The following GSDMC variants were observed in gnomAD, a reference collection of about 807,000 sequenced individuals.
GSDMC encodes the protein gasdermin C.
A neutral mutation model predicts 58.0 loss-of-function variants in GSDMC; 59 were observed. That is an observed-to-expected ratio of 1.02 (90% CI 0.82 to 1.26). The LOEUF is 1.26. Among genes scored for constraint, GSDMC ranks in the 50% most tolerant of loss-of-function variants. GSDMC has a pLI of 0.00. For missense variants in GSDMC, 659 were observed against 598.5 expected (o/e 1.10, Z -1.06); for synonymous variants, 241 against 220.2 (o/e 1.09, Z -0.83).
intron 5 of GSDMC, among the ~76,000 whole-genome samples, chr8:129,761,592 A>G (rs1254815198): frequency 6.6e-6 from 1 of 152,172 alleles, no homozygotes; most frequent in Non-Finnish European, 1.5e-5. Context: ...GATGATGATG[A>G]TATTTTGAAA....
At chr8:129,726,999 TACAC>T in the GSDMC span, among the ~76,000 whole-genome samples, 121 of 93,046 alleles carry the variant, frequency 1.3e-3, 1 homozygote, top group African/African-American at 9.4e-3. Flanking sequence ...CCAATACACA[TACAC>T]ACACACACAC....
chr8:129,725,511 C>T, the GSDMC span, among the ~76,000 whole-genome samples: 1 of 152,128 alleles, frequency 6.6e-6, no homozygotes, highest in Non-Finnish European at 1.5e-5. Context: ...TGTTCGATTG[C>T]CCAAGATCTA....
the GSDMC span, chr8:129,729,012 G>A: frequency 1.5e-6 from 1 of 656,226 alleles, no homozygotes; most frequent in South Asian, 1.5e-5. Flanking sequence ...GCACGATGAG[G>A]ATGAAAATTT....
intron 1 of GSDMC, among the ~76,000 whole-genome samples, chr8:129,781,063 A>C (rs1208458733): frequency 6.6e-6 from 1 of 152,224 alleles, no homozygotes; most frequent in African/African-American, 2.4e-5. Flanking sequence ...AAAAGCAAGA[A>C]ATTGAAATAT....
In GSDMC at chr8:129,777,659, T is replaced by G. The variant is rs966719705; in HGVS notation, c.-4-68A>C. 1.5e-5 allele frequency: 12 copies of G among 815,448 alleles called. No homozygotes were observed. The African/African-American group carries it at 1.8e-4, about 13-fold the overall frequency. The allele number at this position is 815,448 out of a possible 1,614,324, so 50.5% of individuals were successfully genotyped here. A position where few individuals can be genotyped will look rare whatever the true frequency, so the allele number is the denominator to read the frequency against. On this transcript the variant is annotated intron_variant, in intron 1 of 13. Coordinates refer to ENST00000276708, the MANE Select transcript of GSDMC (RefSeq NM_031415.3). Reference sequence around the variant, plus strand: ...AAATGGTTAAACTCTCACCAATTATTGATATTTCCCCTAAAGGAAAAGATC... The same window carrying G: ...AAATGGTTAAACTCTCACCAATTATGGATATTTCCCCTAAAGGAAAAGATC...
intron 6 of GSDMC, among the ~76,000 whole-genome samples, chr8:129,756,592 C>A (rs2033447189): frequency 6.6e-6 from 1 of 152,076 alleles, no homozygotes. Context: ...CTAAAGGCTG[C>A]AGAATACACA....
At chr8:129,716,962 G>A in the GSDMC span, among the ~76,000 whole-genome samples, 12 of 152,220 alleles carry the variant, frequency 7.9e-5, no homozygotes, top group African/African-American at 2.9e-4. Flanking sequence ...TCCCAGGGAT[G>A]AAGCTGACTT....
the GSDMC span, among the ~76,000 whole-genome samples, chr8:129,740,607 T>C: frequency 6.6e-6 from 1 of 152,222 alleles, no homozygotes; most frequent in Non-Finnish European, 1.5e-5. Flanking sequence ...AGGTGTGCAG[T>C]AGACTATATT....
At chr8:129,742,541 TTTC>T in the GSDMC span, among the ~76,000 whole-genome samples, 4 of 152,144 alleles carry the variant, frequency 2.6e-5, no homozygotes, top group Non-Finnish European at 4.4e-5. Flanking sequence ...TGTACAACTC[TTTC>T]TTCTCTGTAC....
chr8:129,715,293 A>G, the GSDMC span, among the ~76,000 whole-genome samples: 28 of 152,268 alleles, frequency 1.8e-4, no homozygotes, highest in African/African-American at 5.8e-4. Flanking sequence ...TAAAAAAGAC[A>G]TAAAAGCAAC....
the GSDMC span, among the ~76,000 whole-genome samples, chr8:129,721,833 C>T: frequency 6.6e-6 from 1 of 152,210 alleles, no homozygotes; most frequent in Admixed American, 6.5e-5. Context: ...CCAGCAAACA[C>T]TCTATGAATG....
At chr8:129,780,467 G>A (rs1213376619) in intron 1 of GSDMC, among the ~76,000 whole-genome samples, 1 of 152,100 alleles carries the variant, frequency 6.6e-6, no homozygotes, top group Non-Finnish European at 1.5e-5. Flanking sequence ...AAACCTTACA[G>A]GCCAAGAGAC....
chr8:129,776,157 G>A lies in GSDMC; in HGVS notation c.349C>T (p.Leu117Phe), dbSNP rs1482417091. Reference protein sequence around the residue: ...GEASVDHGCSLEFQIVTIPSP... With the variant: ...GEASVDHGCSFEFQIVTIPSP... ...GGGATGGTAACAATTTGAAACTCGA[G>A]GGAGCATCCATGGTCCACAGAGGCC... Residue 117 changes from leucine to phenylalanine, a missense_variant, in exon 3 of 14, where the codon CTC (leucine) becomes TTC (phenylalanine). Leu to Phe is a conservative substitution (Grantham distance 22). Transcript: ENST00000276708. 1.9e-6 allele frequency: 3 copies of A among 1,614,016 alleles called. No homozygotes were observed. The South Asian group carries it at 3.3e-5, about 18-fold the overall frequency.
chr8:129,765,717 C>T lies in GSDMC; in HGVS notation c.481G>A (p.Ala161Thr). 1 of 1,610,850 alleles carries T rather than the reference C, an allele frequency of 6.2e-7. No individual in the cohort carries two copies. Among genetic ancestry groups the T allele is most frequent in the Non-Finnish European group, 8.5e-7 (1 of 1,177,016 alleles). Residue 161 changes from alanine (A) to threonine (T), a missense_variant, in exon 4 of 14, where the codon GCT becomes ACT. Coordinates refer to ENST00000276708, the MANE Select transcript of GSDMC (RefSeq NM_031415.3). ...ACAGTATTGTTGATCAGTTCAACAGCCTCTGTCACCACGTACAGGTTGTCC... is the reference window on the plus strand; with the variant it reads ...ACAGTATTGTTGATCAGTTCAACAGTCTCTGTCACCACGTACAGGTTGTCC... The part of the protein sequence containing the change: ...RGDNLYVVTE[A>T]VELINNTVLY...
At chr8:129,707,526 C>T in the GSDMC span, among the ~76,000 whole-genome samples, 1 of 152,016 alleles carries the variant, frequency 6.6e-6, no homozygotes, top group Non-Finnish European at 1.5e-5. Flanking sequence ...GTTTTAAATG[C>T]AAATATAAGA....
At chr8:129,723,944 G>C in the GSDMC span, among the ~76,000 whole-genome samples, 1 of 152,212 alleles carries the variant, frequency 6.6e-6, no homozygotes, top group Admixed American at 6.5e-5. Flanking sequence ...CAAATAGTAA[G>C]TGTTCAATAA....
chr8:129,724,471 A>G, the GSDMC span, among the ~76,000 whole-genome samples: 4 of 152,068 alleles, frequency 2.6e-5, no homozygotes, highest in Non-Finnish European at 4.4e-5. Context: ...AATAGATAAT[A>G]CAATCTTCTT....
chr8:129,782,231 T>G (rs2130585830), intron 1 of GSDMC, among the ~76,000 whole-genome samples: 1 of 152,132 alleles, frequency 6.6e-6, no homozygotes, highest in Admixed American at 6.5e-5. Context: ...AGAGGGAAAT[T>G]TATAGCTATA....
At chr8:129,708,501 C>G in the GSDMC span, among the ~76,000 whole-genome samples, 1 of 152,218 alleles carries the variant, frequency 6.6e-6, no homozygotes, top group African/African-American at 2.4e-5. Flanking sequence ...TAAGGAACCT[C>G]CTAGAACCCA....
Sources: allele counts gnomAD v4.1 joint callset (sites outside exome capture counted in the v4.1 genomes callset), GRCh38; gene constraint gnomAD v4.1.1; transcripts MANE v1.5; gene names NCBI Gene and HGNC (gene_info 2026-07-23, HGNC 2026-07-21).